LRTM1: variants seen among roughly 807,000 people sequenced by gnomAD.
LRTM1 encodes the protein leucine rich repeat transmembrane protein 1, also known as leucine-rich repeat and transmembrane domain-containing protein 1.
In LRTM1, 38 loss-of-function variants were observed where a neutral mutation model predicts 32.4. The ratio of observed to expected loss-of-function variants is 1.17; its 90% confidence interval spans 0.91 to 1.54. The LOEUF is 1.54. LRTM1 is among the 40% of genes most tolerant of loss of function. The pLI, the probability that LRTM1 is intolerant of heterozygous loss-of-function variation, is 0.00. For synonymous variants in LRTM1, 186 were observed against 169.9 expected (o/e 1.09, Z -0.74); for missense variants, 466 against 415.4 (o/e 1.12, Z -1.06).
chr3:54,942,290 A>G (rs1490161105), intron 1 of LRTM1, among the ~76,000 whole-genome samples: 2 of 152,150 alleles, frequency 1.3e-5, no homozygotes, highest in Non-Finnish European at 2.9e-5. Flanking sequence ...CAGTCAGTCA[A>G]AGCTCAAAGA....
intron 2 of LRTM1, among the ~76,000 whole-genome samples, chr3:54,923,185 C>G (rs1700903553): frequency 6.6e-6 from 1 of 152,174 alleles, no homozygotes; most frequent in Admixed American, 6.5e-5. Flanking sequence ...AGCTTTCCAT[C>G]TCACTTAAAG....
At chr3:54,925,611 C>T (rs1011260707) in intron 1 of LRTM1, among the ~76,000 whole-genome samples, 3 of 152,206 alleles carry the variant, frequency 2.0e-5, no homozygotes, top group African/African-American at 7.2e-5. Context: ...CAGATACTTA[C>T]ATTTCTGTAA....
chr3:54,944,097 T>C (rs1222470207), intron 1 of LRTM1, among the ~76,000 whole-genome samples: 10 of 152,200 alleles, frequency 6.6e-5, no homozygotes, highest in Non-Finnish European at 8.8e-5. Context: ...GTTTAGGAAG[T>C]CTGATATCAT....
chr3:54,945,655 C>T (rs760425700), intron 1 of LRTM1, among the ~76,000 whole-genome samples: 20 of 152,190 alleles, frequency 1.3e-4, no homozygotes, highest in Non-Finnish European at 2.2e-4. Context: ...CAAGCTTATC[C>T]AGTGCAGTCA....
At chr3:54,921,867 G>A (rs1700860866) in intron 2 of LRTM1, among the ~76,000 whole-genome samples, 1 of 150,944 alleles carries the variant, frequency 6.6e-6, no homozygotes, top group Admixed American at 6.6e-5. Flanking sequence ...TGTTATGTCG[G>A]TTAGCCTGCC....
intron 1 of LRTM1, among the ~76,000 whole-genome samples, chr3:54,960,198 A>G (rs1701997986): frequency 6.6e-6 from 1 of 152,206 alleles, no homozygotes; most frequent in Admixed American, 6.5e-5. Context: ...ACAGATTAAA[A>G]TAGGCCTCCT....
chr3:54,936,959 C>T (rs1701344164), intron 1 of LRTM1, among the ~76,000 whole-genome samples: 1 of 152,146 alleles, frequency 6.6e-6, no homozygotes, highest in Non-Finnish European at 1.5e-5. Flanking sequence ...TATCCATGGC[C>T]TCCAGTTGCT....
At chr3:54,949,026 G>A (rs1701688457) in intron 1 of LRTM1, among the ~76,000 whole-genome samples, 1 of 152,188 alleles carries the variant, frequency 6.6e-6, no homozygotes, top group South Asian at 2.1e-4. Context: ...TCAGTCTCTT[G>A]TTTTACTTTT....
intron 1 of LRTM1, among the ~76,000 whole-genome samples, chr3:54,942,264 T>C (rs190118011): frequency 4.9e-4 from 74 of 152,242 alleles, no homozygotes; most frequent in African/African-American, 1.7e-3. Context: ...TGGCTAAGAC[T>C]CACCTTCTGA....
At chr3:54,957,441 ACCC>A (rs201554197) in intron 1 of LRTM1, among the ~76,000 whole-genome samples, 1,857 of 152,256 alleles carry the variant, frequency 0.012, 36 homozygotes, top group African/African-American at 0.042. Context: ...GAGCCACCAC[ACCC>A]AACCATAAAA....
intron 1 of LRTM1, among the ~76,000 whole-genome samples, chr3:54,962,955 A>T (rs186845414): frequency 2.0e-5 from 3 of 152,268 alleles, no homozygotes; most frequent in East Asian, 3.9e-4. Context: ...TTCTAATTTT[A>T]TATGTTTTAT....
intron 1 of LRTM1, among the ~76,000 whole-genome samples, chr3:54,966,023 G>A (rs990867966): frequency 8.5e-5 from 13 of 152,284 alleles, no homozygotes; most frequent in African/African-American, 2.6e-4. Flanking sequence ...GTAGAGGACC[G>A]ACAGGGGCAG....
intron 1 of LRTM1, among the ~76,000 whole-genome samples, chr3:54,926,349 C>G (rs1575381158): frequency 2.0e-5 from 3 of 152,174 alleles, no homozygotes; most frequent in East Asian, 1.9e-4. Flanking sequence ...ATCACTTGCC[C>G]AAGTTCACAC....
At chr3:54,929,475 A>G (rs1701127523), upstream of LRTM1, among the ~76,000 whole-genome samples, 2 of 152,170 alleles carry the variant, frequency 1.3e-5, no homozygotes, top group African/African-American at 2.4e-5. Context: ...ATGGAAGTTG[A>G]AAACATCAAA....
upstream of LRTM1, among the ~76,000 whole-genome samples, chr3:54,932,010 A>G (rs1230981377): frequency 6.6e-6 from 1 of 151,972 alleles, no homozygotes; most frequent in Non-Finnish European, 1.5e-5. Context: ...GTTAAACCCC[A>G]TCTCTACCAA....
chr3:54,924,553 G>C, intron 2 of LRTM1, 66 bp downstream of exon 2: 11 of 1,305,918 alleles, frequency 8.4e-6, no homozygotes, highest in Non-Finnish European at 1.2e-5. Flanking sequence ...CTAATGCAGA[G>C]AACAGATGAG....
chr3:54,958,267 CCTATAATCCCAG>C (rs1701950069), intron 1 of LRTM1, among the ~76,000 whole-genome samples: 6 of 152,236 alleles, frequency 3.9e-5, no homozygotes, highest in Admixed American at 3.9e-4. Context: ...GTGGCTTCAG[CCTATAATCCCAG>C]CTACTCAGGA....
At position 54,923,542 on chromosome 3, in the gene LRTM1, A is replaced by T. The variant is rs141479691; in HGVS notation, c.604+1077T>A. ...TTCTTAGCACTAACTGCTATTCTAA[A>T]CATGTATCTTTATTTATCATCTTAT... On this transcript the variant is annotated intron_variant, in intron 2 of 2. Transcript: ENST00000273286. Among the ~76,000 whole-genome samples the T allele has an allele frequency of 3.9e-4, 60 of 152,266 alleles. 1 individual carries two copies. In the East Asian group the frequency reaches 9.5e-3, roughly 24 times the overall value.
At chr3:54,930,819 AG>A (rs1352828343), upstream of LRTM1, among the ~76,000 whole-genome samples, 1 of 152,136 alleles carries the variant, frequency 6.6e-6, no homozygotes, top group Non-Finnish European at 1.5e-5. Context: ...ATCTTGGCCA[AG>A]CATGGTGGCT....
Sources: allele counts gnomAD v4.1 joint callset (sites outside exome capture counted in the v4.1 genomes callset), GRCh38; gene constraint gnomAD v4.1.1; transcripts MANE v1.5; gene names NCBI Gene and HGNC (gene_info 2026-07-23, HGNC 2026-07-21).